The following TRIM33 variants were observed in gnomAD, a reference collection of about 807,000 sequenced individuals.
The protein encoded by TRIM33 is tripartite motif containing 33.
A neutral mutation model predicts 125.4 loss-of-function variants in TRIM33; 20 were observed. The observed-to-expected ratio is 0.16, with a 90% CI of 0.11 to 0.23. The LOEUF (loss-of-function observed/expected upper bound fraction) is 0.23, where lower values mean the gene tolerates loss of function less well. Ranked by LOEUF, TRIM33 falls within the 10% of genes least tolerant of loss-of-function variation. The probability of loss-of-function intolerance (pLI) is 1.00; values close to 1 mark genes in which losing one functional copy is unlikely to be tolerated. For missense variants in TRIM33, 920 were observed against 1,411.4 expected (o/e 0.65, Z 5.58); for synonymous variants, 564 against 513.9 (o/e 1.10, Z -1.32).
chr1:114,441,479 G>A (rs984399956), intron 4 of TRIM33, among the ~76,000 whole-genome samples: 4 of 152,138 alleles, frequency 2.6e-5, no homozygotes, highest in African/African-American at 7.2e-5. Flanking sequence ...TAGAGAGGAC[G>A]TTAAGTGGCT....
chr1:114,465,040 A>C (rs1457928912), intron 1 of TRIM33, among the ~76,000 whole-genome samples: 1 of 152,232 alleles, frequency 6.6e-6, no homozygotes, highest in Non-Finnish European at 1.5e-5. Flanking sequence ...AAACAGTAAG[A>C]CAGGTGCTGT....
At chr1:114,450,839 GAC>G (rs899361826) in intron 4 of TRIM33, among the ~76,000 whole-genome samples, 6 of 152,124 alleles carry the variant, frequency 3.9e-5, no homozygotes, top group African/African-American at 1.4e-4. Flanking sequence ...CATTAAATGG[GAC>G]ATTTTATCCT....
chr1:114,509,621 G>A (rs972637027), intron 1 of TRIM33, among the ~76,000 whole-genome samples: 3 of 152,200 alleles, frequency 2.0e-5, no homozygotes, highest in African/African-American at 4.8e-5. Context: ...GGATGTAGAA[G>A]GGTGTCCTGT....
chr1:114,458,475 C>T (rs1425123246), intron 4 of TRIM33, among the ~76,000 whole-genome samples: 1 of 152,212 alleles, frequency 6.6e-6, no homozygotes, highest in Non-Finnish European at 1.5e-5. Flanking sequence ...GTGACCCCTA[C>T]TCAGGAAGTG....
chr1:114,408,612 T>A, intron 13 of TRIM33, 65 bp downstream of exon 13: 2 of 1,069,476 alleles, frequency 1.9e-6, no homozygotes, highest in Non-Finnish European at 2.8e-6. Context: ...AATATTCTAC[T>A]TTTATTATAC....
Position 114,405,591 on chromosome 1 carries a change from G to C in TRIM33, c.2587C>G (p.Pro863Ala). The change falls in exon 15 of 20, where the codon CCA becomes GCA. Residue 863 changes from proline (P) to alanine (A), a missense_variant. Pro to Ala is a conservative substitution (Grantham distance 27, BLOSUM62 -1). Coordinates refer to ENST00000358465, the MANE Select transcript of TRIM33 (RefSeq NM_015906.4). Reference sequence around the variant, plus strand: ...GACCTGTGCATGAGGCTTCGAATTGGGGACTTTCCATTAACAAGGCTGCTG... The same window carrying C: ...GACCTGTGCATGAGGCTTCGAATTGCGGACTTTCCATTAACAAGGCTGCTG... ...GLSSLVNGKS[P>A]IRSLMHRSAR... 6.2e-7 allele frequency: 1 copy of C among 1,614,092 alleles called. No individual in the cohort carries two copies. The highest frequency in any genetic ancestry group is 8.5e-7 in the Non-Finnish European group (1 of 1,180,022).
At chr1:114,400,135 C>A (rs1483522551) in intron 17 of TRIM33, among the ~76,000 whole-genome samples, 1 of 152,056 alleles carries the variant, frequency 6.6e-6, no homozygotes. Flanking sequence ...AATTCTGACC[C>A]CAACTCTGGC....
At chr1:114,445,876 G>A (rs1201437629) in intron 4 of TRIM33, among the ~76,000 whole-genome samples, 1 of 151,926 alleles carries the variant, frequency 6.6e-6, no homozygotes, top group East Asian at 1.9e-4. Flanking sequence ...TTTTGTTTTT[G>A]AGACAGAGTC....
In TRIM33 at chr1:114,490,815, G is replaced by A. The variant is rs192859002; in HGVS notation, c.526+19736C>T. 2.6e-5 allele frequency: 4 copies of A among 152,144 alleles called. No individual in the cohort carries two copies. In the East Asian group the frequency reaches 7.7e-4, roughly 29 times the overall value. 9.4% of individuals were successfully genotyped at this position (152,144 alleles called of 1,614,324 possible). ...TCTACTCTCTCCTCATATCACTACTGCACTTGACTAGTTTTTTTAAAAAGT... is the reference window on the plus strand; with the variant it reads ...TCTACTCTCTCCTCATATCACTACTACACTTGACTAGTTTTTTTAAAAAGT... On this transcript the variant is annotated intron_variant, in intron 1 of 19. Coordinates refer to ENST00000358465, the MANE Select transcript of TRIM33 (RefSeq NM_015906.4).
At chr1:114,450,197 T>C (rs1649226766) in intron 4 of TRIM33, among the ~76,000 whole-genome samples, 1 of 152,186 alleles carries the variant, frequency 6.6e-6, no homozygotes, top group Admixed American at 6.5e-5. Flanking sequence ...GGGCAGAGGT[T>C]GCAGTGAGCC....
At chr1:114,417,970 TTCTA>T (rs1318086463) in intron 11 of TRIM33, among the ~76,000 whole-genome samples, 2 of 152,318 alleles carry the variant, frequency 1.3e-5, no homozygotes, top group South Asian at 2.1e-4. Flanking sequence ...ATTCCAACTT[TTCTA>T]TCTATCATGT....
At position 114,433,664 on chromosome 1, in the gene TRIM33, A is replaced by G. The variant is rs767561028; in HGVS notation, c.993T>C (p.Leu331=). ...CAAAATGAACATAATTCTTCTTCTC[A>G]AGAAGTTTCGCCAGTAGATTCTCAA... is the stretch of plus-strand genomic sequence containing the variant. ...GAIENLLAKL[L]EKKNYVHFAA... Residue 331 remains leucine (L), a synonymous_variant, in exon 5 of 20, where the codon CTT becomes CTC. Coordinates refer to ENST00000358465, the MANE Select transcript of TRIM33 (RefSeq NM_015906.4). 1.4e-5 allele frequency: 23 copies of G among 1,612,836 alleles called. No individual in the cohort carries two copies. Among genetic ancestry groups the G allele is most frequent in the Non-Finnish European group, 1.9e-5 (22 of 1,179,480 alleles).
chr1:114,439,258 GGTCATGA>G (rs1027292596), intron 4 of TRIM33, among the ~76,000 whole-genome samples: 3 of 152,154 alleles, frequency 2.0e-5, no homozygotes, highest in Admixed American at 1.3e-4. Flanking sequence ...CAGATCACGA[GGTCATGA>G]GTTTGAGACC....
In TRIM33 at chr1:114,440,158, AG is replaced by A. The variant is rs551057070; in HGVS notation, c.924-6426del. 1.2e-3 allele frequency among the ~76,000 whole-genome samples: 185 copies of A among 152,236 alleles called. 1 individual carries two copies. The highest frequency in any genetic ancestry group is 4.3e-3 in the African/African-American group (180 of 41,538). ...AATAACAATGATTCTGTGGAAGAGG[AG>A]GGGGGAGACCCTCAGAAGTTGTATC... On this transcript the variant is annotated intron_variant, in intron 4 of 19. Transcript: ENST00000358465.
At chr1:114,458,725 C>A (rs936956851) in intron 4 of TRIM33, among the ~76,000 whole-genome samples, 3 of 152,178 alleles carry the variant, frequency 2.0e-5, no homozygotes, top group African/African-American at 7.2e-5. Context: ...CCTGCTGTCT[C>A]AGTGTATTGA....
intron 4 of TRIM33, among the ~76,000 whole-genome samples, chr1:114,434,623 ATTAT>A (rs1462611235): frequency 2.6e-5 from 4 of 152,172 alleles, no homozygotes; most frequent in African/African-American, 9.7e-5. Context: ...CTTTTTGTAA[ATTAT>A]TTATTAGGTT....
chr1:114,432,403 C>A (rs1424368187), intron 5 of TRIM33, among the ~76,000 whole-genome samples: 1 of 152,114 alleles, frequency 6.6e-6, no homozygotes, highest in Non-Finnish European at 1.5e-5. Context: ...CTGAACATTT[C>A]CAAAAACAAA....
intron 17 of TRIM33, among the ~76,000 whole-genome samples, chr1:114,401,130 G>C (rs1235355355): frequency 2.0e-5 from 3 of 150,648 alleles, no homozygotes; most frequent in African/African-American, 4.9e-5. Context: ...TCCGCCTCCC[G>C]GGTTCATGCC....
In TRIM33 at chr1:114,406,931, G is replaced by A. The variant is rs377442213; in HGVS notation, c.2418+10C>T. ...CCTTAAGTCCCTGTCAGACTCCAGT[G>A]GGAGCTTACCATGCAAGCACTCCTC... On this transcript the variant is annotated intron_variant, in intron 14 of 19. Transcript: ENST00000358465. 1.0e-4 allele frequency: 169 copies of A among 1,612,066 alleles called. No individual in the cohort carries two copies. Among genetic ancestry groups the A allele is most frequent in the Non-Finnish European group, 1.3e-4 (159 of 1,178,894 alleles).
Sources: allele counts gnomAD v4.1 joint callset (sites outside exome capture counted in the v4.1 genomes callset), GRCh38; gene constraint gnomAD v4.1.1; transcripts MANE v1.5; gene names NCBI Gene and HGNC (gene_info 2026-07-23, HGNC 2026-07-21).